Variants in FANCL observed in about 807,000 individuals in gnomAD.
FANCL encodes E3 ubiquitin-protein ligase FANCL.
FANCL carries 69 observed loss-of-function variants against 59.4 expected under a neutral mutation model. That is an observed-to-expected ratio of 1.16 (90% CI 0.96 to 1.42). The LOEUF (loss-of-function observed/expected upper bound fraction) is 1.42. Among genes scored for constraint, FANCL ranks in the 40% most tolerant of loss-of-function variants. The pLI is 0.00. For synonymous variants in FANCL, 180 were observed against 147.1 expected (o/e 1.22, Z -1.62); for missense variants, 519 against 447.2 (o/e 1.16, Z -1.45).
intron 7 of FANCL, among the ~76,000 whole-genome samples, chr2:58,192,177 A>C (rs1185337620): frequency 6.6e-6 from 1 of 151,978 alleles, no homozygotes; most frequent in East Asian, 1.9e-4. Context: ...CTTTAAATTC[A>C]TGAGAGAGCT....
At chr2:58,195,827 C>A (rs1476461193) in intron 7 of FANCL, among the ~76,000 whole-genome samples, 1 of 151,976 alleles carries the variant, frequency 6.6e-6, no homozygotes, top group Non-Finnish European at 1.5e-5. Flanking sequence ...TAAACTTATA[C>A]AACAATCTAG....
intron 7 of FANCL, among the ~76,000 whole-genome samples, chr2:58,186,076 C>T (rs946876728): frequency 1.3e-5 from 2 of 152,080 alleles, no homozygotes; most frequent in East Asian, 3.9e-4. Flanking sequence ...AGGAAGCCGA[C>T]AGCAACTGTG....
intron 7 of FANCL, among the ~76,000 whole-genome samples, chr2:58,186,506 G>A (rs1011923118): frequency 6.6e-6 from 1 of 152,158 alleles, no homozygotes; most frequent in African/African-American, 2.4e-5. Flanking sequence ...GCCAAAATAA[G>A]GATGTGCTTT....
At chr2:58,189,682 A>C (rs910735617) in intron 7 of FANCL, among the ~76,000 whole-genome samples, 1 of 152,124 alleles carries the variant, frequency 6.6e-6, no homozygotes, top group Non-Finnish European at 1.5e-5. Context: ...TGTTACTTTC[A>C]TAATACCTGA....
intron 5 of FANCL, 140 bp downstream of exon 5, chr2:58,221,802 C>G: frequency 1.6e-6 from 1 of 626,930 alleles, no homozygotes; most frequent in Non-Finnish European, 2.8e-6. Flanking sequence ...CTTTAATTCA[C>G]AGCAACAATA....
intron 1 of FANCL, among the ~76,000 whole-genome samples, chr2:58,235,904 T>TTA (rs1693974159): frequency 6.6e-6 from 1 of 151,862 alleles, no homozygotes; most frequent in Non-Finnish European, 1.5e-5. Context: ...AAAGAAGGTA[T>TTA]TAGTATACCT....
chr2:58,241,364 CACA>C (rs1355784240), upstream of FANCL: 1 of 1,571,548 alleles, frequency 6.4e-7, no homozygotes, highest in Non-Finnish European at 8.7e-7. Flanking sequence ...CTGGGTCCTG[CACA>C]TGCGCAGTCC....
chr2:58,162,252 A>G (rs1230399680), intron 11 of FANCL, among the ~76,000 whole-genome samples: 1 of 151,948 alleles, frequency 6.6e-6, no homozygotes, highest in Non-Finnish European at 1.5e-5. Flanking sequence ...GTATAGTGGT[A>G]TCTATTCAAT....
chr2:58,173,325 A>C (rs766227781), intron 7 of FANCL, among the ~76,000 whole-genome samples: 4 of 152,188 alleles, frequency 2.6e-5, no homozygotes, highest in South Asian at 4.1e-4. Flanking sequence ...ACTCCAAGAC[A>C]CATAATTGTC....
At chr2:58,230,841 T>A (rs905840606) in intron 2 of FANCL, among the ~76,000 whole-genome samples, 6 of 152,198 alleles carry the variant, frequency 3.9e-5, no homozygotes, top group Non-Finnish European at 7.3e-5. Flanking sequence ...TCTGCTAGTT[T>A]TTTTCTCCTT....
At chr2:58,172,648 A>C (rs1686781138) in intron 7 of FANCL, among the ~76,000 whole-genome samples, 1 of 152,210 alleles carries the variant, frequency 6.6e-6, no homozygotes, top group Non-Finnish European at 1.5e-5. Context: ...CATCACCATC[A>C]TCAAAGACCA....
intron 7 of FANCL, among the ~76,000 whole-genome samples, chr2:58,190,242 C>T (rs558759579): frequency 3.3e-5 from 5 of 151,906 alleles, no homozygotes; most frequent in Non-Finnish European, 7.4e-5. Context: ...GATCACTGAT[C>T]ACCCATCATT....
intron 7 of FANCL, among the ~76,000 whole-genome samples, chr2:58,170,869 T>C (rs1056442376): frequency 3.3e-5 from 5 of 152,278 alleles, no homozygotes; most frequent in Admixed American, 2.0e-4. Context: ...ACCAGATTCA[T>C]AAAGCAAGTT....
chr2:58,180,575 G>A (rs370894372), intron 7 of FANCL, among the ~76,000 whole-genome samples: 31 of 152,190 alleles, frequency 2.0e-4, no homozygotes, highest in Admixed American at 6.6e-4. Flanking sequence ...GGGACTAGGT[G>A]AGGGATAGTA....
chr2:58,206,735 G>C (rs1403357063), intron 5 of FANCL, among the ~76,000 whole-genome samples: 6 of 152,118 alleles, frequency 3.9e-5, no homozygotes, highest in Admixed American at 3.9e-4. Context: ...AAGCCAAAAT[G>C]GCCATGAGGT....
At chr2:58,169,664 T>TA (rs1366767257) in intron 7 of FANCL, among the ~76,000 whole-genome samples, 31 of 151,616 alleles carry the variant, frequency 2.0e-4, no homozygotes, top group Admixed American at 9.2e-4. Flanking sequence ...GAAAAAAAGT[T>TA]AGAGGAATTG....
intron 7 of FANCL, among the ~76,000 whole-genome samples, chr2:58,191,509 T>C (rs1305979830): frequency 6.6e-6 from 1 of 151,922 alleles, no homozygotes; most frequent in Non-Finnish European, 1.5e-5. Flanking sequence ...TATAGTACAA[T>C]GTATATGTAG....
intron 5 of FANCL, among the ~76,000 whole-genome samples, chr2:58,211,030 G>A (rs1218160705): frequency 1.3e-5 from 2 of 152,128 alleles, no homozygotes; most frequent in East Asian, 1.9e-4. Context: ...GGAAGATGGT[G>A]GCCCTCTTCT....
intron 7 of FANCL, among the ~76,000 whole-genome samples, chr2:58,188,716 G>C (rs184000347): frequency 1.3e-5 from 2 of 151,598 alleles, no homozygotes; most frequent in African/African-American, 4.8e-5. Context: ...TTGGGATTAC[G>C]GGTGTGAGAC....
Sources: gnomAD v4.1 joint callset for allele counts (sites outside exome capture counted in the v4.1 genomes callset) on GRCh38, gnomAD v4.1.1 for gene constraint, MANE v1.5 for transcripts, NCBI Gene and HGNC (gene_info 2026-07-23, HGNC 2026-07-21) for gene names.